SNX7: variants seen among roughly 807,000 people sequenced by gnomAD.
SNX7 encodes sorting nexin 7, also known as sorting nexin-7.
In SNX7, 35 loss-of-function variants were observed where a neutral mutation model predicts 48.4. The ratio of observed to expected loss-of-function variants is 0.72; its 90% confidence interval spans 0.55 to 0.96. The LOEUF (loss-of-function observed/expected upper bound fraction) is 0.96. SNX7 is among the 40% of genes least tolerant of loss of function. The pLI, the probability that SNX7 is intolerant of heterozygous loss-of-function variation, is 0.00. For missense variants in SNX7, 553 were observed against 548.9 expected, an observed-to-expected ratio of 1.01 and a Z score of -0.07; for synonymous variants, 190 against 190.2, an observed-to-expected ratio of 1.00 and a Z score of 0.01.
intron 8 of SNX7, among the ~76,000 whole-genome samples, chr1:98,744,280 T>C (rs1295672912): frequency 6.6e-6 from 1 of 151,942 alleles, no homozygotes; most frequent in Non-Finnish European, 1.5e-5. Flanking sequence ...AGAATATGAC[T>C]TGAGAGGAGT....
intron 8 of SNX7, among the ~76,000 whole-genome samples, chr1:98,753,838 T>C (rs1654704656): frequency 6.6e-6 from 1 of 152,112 alleles, no homozygotes; most frequent in South Asian, 2.1e-4. Flanking sequence ...TGTGGGTAGA[T>C]TTTTTAAAGA....
At chr1:98,688,935 C>T (rs112095065) in intron 2 of SNX7, among the ~76,000 whole-genome samples, 3,133 of 152,108 alleles carry the variant, frequency 0.021, 114 homozygotes, top group African/African-American at 0.072. Flanking sequence ...GACAGAGTCT[C>T]GCTCTGTCAC....
chr1:98,672,652 C>T (rs113574107), intron 1 of SNX7, among the ~76,000 whole-genome samples: 73 of 151,944 alleles, frequency 4.8e-4, no homozygotes, highest in African/African-American at 1.7e-3. Flanking sequence ...TGGCCGGGCG[C>T]GGTGGCTCAC....
intron 8 of SNX7, among the ~76,000 whole-genome samples, chr1:98,757,690 GT>G (rs1190511845): frequency 6.6e-6 from 1 of 151,648 alleles, no homozygotes; most frequent in Non-Finnish European, 1.5e-5. Flanking sequence ...GATTTCCAGG[GT>G]GTTGAAAACC....
Position 98,703,757 on chromosome 1 carries a change from CTG to C in SNX7, c.1125+1857_1125+1858del, listed in dbSNP as rs568493563. On this transcript the variant is annotated intron_variant, in intron 7 of 8. Coordinates refer to ENST00000306121, the MANE Select transcript of SNX7 (RefSeq NM_015976.5). ...AGAGTTAAGAGTCAATTAGAATTGACTGTGAAAGGCTGCACATGTGTATAGAA... is the reference window on the plus strand; with the variant it reads ...AGAGTTAAGAGTCAATTAGAATTGACTGAAAGGCTGCACATGTGTATAGAA... Among the ~76,000 whole-genome samples, 8 of 151,940 alleles carry C rather than the reference CTG, an allele frequency of 5.3e-5. No individual in the cohort carries two copies. In the South Asian group the frequency reaches 6.2e-4, roughly 12 times the overall value.
At position 98,698,344 on chromosome 1, in the gene SNX7, A is replaced by G. The variant is rs542035005; in HGVS notation, c.839-362A>G. 2.0e-5 allele frequency among the ~76,000 whole-genome samples: 3 copies of G among 152,300 alleles called. No individual in the cohort carries two copies. The South Asian group carries it at 6.2e-4, about 32-fold the overall frequency. ...ATATATAGTCAGAAGAAGGGGAGAAAGAAGATGCTAAGTTTTTTTCAGGGC... is the reference window on the plus strand; with the variant it reads ...ATATATAGTCAGAAGAAGGGGAGAAGGAAGATGCTAAGTTTTTTTCAGGGC... On this transcript the variant is annotated intron_variant, in intron 5 of 8. Transcript: ENST00000306121.
intron 1 of SNX7, among the ~76,000 whole-genome samples, chr1:98,677,818 C>T (rs1557790654): frequency 6.7e-6 from 1 of 149,080 alleles, no homozygotes. Flanking sequence ...GTGGAGGTTG[C>T]AGTGAGCCCA....
intron 2 of SNX7, among the ~76,000 whole-genome samples, chr1:98,686,464 A>G (rs60206336): frequency 0.012 from 1,777 of 152,270 alleles, 28 homozygotes; most frequent in African/African-American, 0.04. Context: ...GTATGTGAAT[A>G]GATGTTTATT....
At chr1:98,758,293 A>C (rs1654949086) in intron 8 of SNX7, among the ~76,000 whole-genome samples, 1 of 152,040 alleles carries the variant, frequency 6.6e-6, no homozygotes, top group African/African-American at 2.4e-5. Flanking sequence ...ATACACTTAA[A>C]GATATCTAAA....
intron 6 of SNX7, among the ~76,000 whole-genome samples, chr1:98,699,524 C>T (rs1313255243): frequency 6.6e-6 from 1 of 152,082 alleles, no homozygotes; most frequent in Non-Finnish European, 1.5e-5. Context: ...CAGTATTTTT[C>T]TGTGCCTACA....
At chr1:98,713,242 C>T (rs1487485654) in intron 7 of SNX7, among the ~76,000 whole-genome samples, 1 of 152,108 alleles carries the variant, frequency 6.6e-6, no homozygotes, top group African/African-American at 2.4e-5. Context: ...TTTTATCTTA[C>T]GGAGACAGCT....
Position 98,695,501 on chromosome 1 carries a change from T to G in SNX7, c.640-17T>G. On this transcript the variant is annotated splice_polypyrimidine_tract_variant and intron_variant, in intron 4 of 8. Transcript: ENST00000306121. ...TGAGACTTGTTTCACTAGAAATACT[T>G]GGTTTTTTGTTTCTAGGAACTCTCT... is the stretch of plus-strand genomic sequence containing the variant. 6.2e-7 allele frequency: 1 copy of G among 1,608,354 alleles called. No homozygotes were observed.
chr1:98,666,032 T>C (rs1304514510), intron 1 of SNX7, among the ~76,000 whole-genome samples: 1 of 152,220 alleles, frequency 6.6e-6, no homozygotes, highest in Non-Finnish European at 1.5e-5. Context: ...ACTATTCATC[T>C]ATTCTATCAA....
chr1:98,724,348 T>G (rs1653056875), intron 7 of SNX7, among the ~76,000 whole-genome samples: 1 of 152,008 alleles, frequency 6.6e-6, no homozygotes, highest in South Asian at 2.1e-4. Context: ...TAAGAATGAT[T>G]TGTAATTATA....
chr1:98,739,663 C>G lies in SNX7; in HGVS notation c.1278+1274C>G, dbSNP rs1488629637. Among the ~76,000 whole-genome samples, 8 of 150,546 alleles carry G rather than the reference C, an allele frequency of 5.3e-5. No homozygotes were observed. In the East Asian group the frequency reaches 1.5e-3, roughly 29 times the overall value. On this transcript the variant is annotated intron_variant, in intron 8 of 8. Coordinates refer to ENST00000306121, the MANE Select transcript of SNX7 (RefSeq NM_015976.5). ...AATAAGGATATGTTTATGCAGAGAC[C>G]TGAATGATGAATAAGGAGTTGCCAG...
At chr1:98,757,853 A>G (rs773444557) in intron 8 of SNX7, among the ~76,000 whole-genome samples, 1 of 152,012 alleles carries the variant, frequency 6.6e-6, no homozygotes, top group Non-Finnish European at 1.5e-5. Flanking sequence ...ACTTCCTCAC[A>G]TTGACCTTTC....
At chr1:98,754,646 C>T (rs760543821) in intron 8 of SNX7, among the ~76,000 whole-genome samples, 40 of 152,012 alleles carry the variant, frequency 2.6e-4, no homozygotes, top group African/African-American at 7.5e-4. Flanking sequence ...TAGTGGAATC[C>T]GAACTAACAT....
Position 98,725,837 on chromosome 1 carries a change from C to T in SNX7, c.1126-12400C>T, listed in dbSNP as rs542044331. Among the ~76,000 whole-genome samples the T allele has an allele frequency of 3.3e-5, 5 of 152,224 alleles. No individual in the cohort carries two copies. In the East Asian group the frequency reaches 9.6e-4, roughly 29 times the overall value. ...AGGTAATTTCTGGGCTTTTTGGCTT[C>T]AACTATCTGATTTGGAGAAGGGTCT... is the stretch of plus-strand genomic sequence containing the variant. On this transcript the variant is annotated intron_variant, in intron 7 of 8. Coordinates refer to ENST00000306121, the MANE Select transcript of SNX7 (RefSeq NM_015976.5).
chr1:98,680,836 G>A (rs1557792732), intron 1 of SNX7, among the ~76,000 whole-genome samples: 1 of 152,188 alleles, frequency 6.6e-6, no homozygotes, highest in Non-Finnish European at 1.5e-5. Context: ...CATTGAACAA[G>A]TCTCTAGGAA....
Sources: gnomAD v4.1 joint callset for allele counts (sites outside exome capture counted in the v4.1 genomes callset) on GRCh38, gnomAD v4.1.1 for gene constraint, MANE v1.5 for transcripts, NCBI Gene and HGNC (gene_info 2026-07-23, HGNC 2026-07-21) for gene names.